KCNH7: variants seen among roughly 807,000 people sequenced by gnomAD.
KCNH7 encodes potassium voltage-gated channel subfamily H member 7, also known as voltage-gated inwardly rectifying potassium channel KCNH7.
Under a neutral mutation model 120.8 loss-of-function variants are expected in KCNH7, and 49 were observed. That is an observed-to-expected ratio of 0.41 (90% CI 0.32 to 0.51). The LOEUF is 0.51. Ranked by LOEUF, KCNH7 falls within the 20% of genes least tolerant of loss-of-function variation. The pLI, the probability that KCNH7 is intolerant of heterozygous loss-of-function variation, is 0.38. For missense variants in KCNH7, 1,097 were observed against 1,446.6 expected (o/e 0.76, Z 3.92); for synonymous variants, 547 against 516.1 (o/e 1.06, Z -0.81).
chr2:162,434,754 G>T (rs1688183024), intron 8 of KCNH7, among the ~76,000 whole-genome samples: 1 of 151,712 alleles, frequency 6.6e-6, no homozygotes, highest in African/African-American at 2.4e-5. Context: ...TGAAAGATCA[G>T]TTTACAGAAT....
At chr2:162,426,700 T>G (rs1687875911) in intron 8 of KCNH7, among the ~76,000 whole-genome samples, 1 of 152,216 alleles carries the variant, frequency 6.6e-6, no homozygotes, top group South Asian at 2.1e-4. Context: ...AACAACTCTG[T>G]AACTTAATAA....
chr2:162,763,053 T>A (rs950204289), intron 2 of KCNH7, among the ~76,000 whole-genome samples: 11 of 152,132 alleles, frequency 7.2e-5, no homozygotes, highest in African/African-American at 2.7e-4. Flanking sequence ...ACTGCTACTA[T>A]GATTCTCTCT....
chr2:162,466,728 A>G (rs957668941), intron 6 of KCNH7, among the ~76,000 whole-genome samples: 1 of 152,160 alleles, frequency 6.6e-6, no homozygotes, highest in Admixed American at 6.5e-5. Context: ...TCATTTGAGG[A>G]CAGGTAATGG....
chr2:162,631,047 C>A (rs1366560998), intron 2 of KCNH7, among the ~76,000 whole-genome samples: 2 of 152,140 alleles, frequency 1.3e-5, no homozygotes. Flanking sequence ...TTAGTGTCAA[C>A]TGCAGCTGGA....
chr2:162,719,956 T>A (rs1279191057), intron 2 of KCNH7, among the ~76,000 whole-genome samples: 1 of 152,084 alleles, frequency 6.6e-6, no homozygotes, highest in Non-Finnish European at 1.5e-5. Flanking sequence ...CTGTTAGCTA[T>A]GGCCAAGAAA....
intron 2 of KCNH7, among the ~76,000 whole-genome samples, chr2:162,824,052 C>T (rs1685205275): frequency 6.6e-6 from 1 of 152,042 alleles, no homozygotes; most frequent in African/African-American, 2.4e-5. Context: ...ATTATAAAAT[C>T]TTACTTGGTA....
At chr2:162,570,889 C>G (rs138673848) in intron 2 of KCNH7, among the ~76,000 whole-genome samples, 3,479 of 152,044 alleles carry the variant, frequency 0.023, 128 homozygotes, top group East Asian at 0.18. Context: ...ATTGATGGGC[C>G]GTATTTCAAA....
At chr2:162,379,751 T>G (rs549261256) in intron 14 of KCNH7, 102 bp downstream of exon 14, 1 of 1,116,988 alleles carries the variant, frequency 9.0e-7, no homozygotes, top group Non-Finnish European at 1.3e-6. Flanking sequence ...TATAAGGAAA[T>G]TATGAGATCA....
At chr2:162,801,432 A>G (rs1684345491) in intron 2 of KCNH7, among the ~76,000 whole-genome samples, 1 of 151,814 alleles carries the variant, frequency 6.6e-6, no homozygotes, top group Non-Finnish European at 1.5e-5. Flanking sequence ...CTTTTTTCTC[A>G]AATTCCTTTT....
At chr2:162,510,740 T>C (rs1691043539) in intron 5 of KCNH7, among the ~76,000 whole-genome samples, 1 of 151,726 alleles carries the variant, frequency 6.6e-6, no homozygotes. Context: ...AGATCTGGTA[T>C]AGAAGCAAAG....
chr2:162,425,450 G>A (rs1452622473), intron 8 of KCNH7, among the ~76,000 whole-genome samples: 1 of 152,050 alleles, frequency 6.6e-6, no homozygotes, highest in Non-Finnish European at 1.5e-5. Context: ...GAAAAGGTGA[G>A]CCTAAATTGT....
chr2:162,519,746 A>G (rs1424979555), intron 3 of KCNH7, among the ~76,000 whole-genome samples: 2 of 151,826 alleles, frequency 1.3e-5, no homozygotes, highest in African/African-American at 4.8e-5. Flanking sequence ...ATGGCTTTAC[A>G]ATTACACACT....
rs371586865 is a variant in KCNH7 at position 162,656,359 on chromosome 2, G to A, written c.308-119279C>T. On this transcript the variant is annotated intron_variant, in intron 2 of 15. Transcript: ENST00000332142. ...TAGTGGTATGTATATATACACACATGCACAACATAATACATGAGGAGTAAG... is the reference window on the plus strand; with the variant it reads ...TAGTGGTATGTATATATACACACATACACAACATAATACATGAGGAGTAAG... Among the ~76,000 whole-genome samples the A allele has an allele frequency of 6.6e-5, 10 of 152,274 alleles. 1 individual carries two copies. The highest frequency in any genetic ancestry group is 2.2e-4 in the African/African-American group (9 of 41,562).
intron 2 of KCNH7, among the ~76,000 whole-genome samples, chr2:162,690,160 A>C (rs1382473903): frequency 2.6e-5 from 4 of 152,178 alleles, no homozygotes; most frequent in Non-Finnish European, 1.5e-5. Flanking sequence ...ATTCTCACTT[A>C]TAAGTGGGAG....
chr2:162,564,249 G>T, intron 2 of KCNH7, among the ~76,000 whole-genome samples: 1 of 151,074 alleles, frequency 6.6e-6, no homozygotes, highest in South Asian at 2.1e-4. Context: ...TGGATAGCAC[G>T]GTTAGGACCT....
chr2:162,389,484 G>T (rs180916117), intron 12 of KCNH7, among the ~76,000 whole-genome samples: 19 of 152,104 alleles, frequency 1.2e-4, no homozygotes, highest in African/African-American at 4.3e-4. Context: ...GCAGGAAAAG[G>T]TATAGAGAAG....
chr2:162,513,462 C>A (rs1385197680), intron 4 of KCNH7, among the ~76,000 whole-genome samples: 1 of 63,582 alleles, frequency 1.6e-5, no homozygotes, highest in Non-Finnish European at 4.1e-5. Flanking sequence ...TCTCTCCTTC[C>A]CTCCCTCCTT....
intron 2 of KCNH7, among the ~76,000 whole-genome samples, chr2:162,755,526 ATG>A (rs1688760063): frequency 6.6e-6 from 1 of 152,100 alleles, no homozygotes; most frequent in Non-Finnish European, 1.5e-5. Flanking sequence ...TCTTTATTTA[ATG>A]TAGTTTGTTT....
At position 162,593,018 on chromosome 2, in the gene KCNH7, T is replaced by A. The variant is rs1574144517; in HGVS notation, c.308-55938A>T. 2.0e-5 allele frequency among the ~76,000 whole-genome samples: 3 copies of A among 152,226 alleles called. No homozygotes were observed. The South Asian group carries it at 6.2e-4, about 32-fold the overall frequency. ...TCATAATCAATCATCTAAGTTATAT[T>A]TTAAAGGAACTATATCATTTATATC... On this transcript the variant is annotated intron_variant, in intron 2 of 15. Transcript: ENST00000332142.
Sources: gnomAD v4.1 joint callset for allele counts (sites outside exome capture counted in the v4.1 genomes callset) on GRCh38, gnomAD v4.1.1 for gene constraint, MANE v1.5 for transcripts, NCBI Gene and HGNC (gene_info 2026-07-23, HGNC 2026-07-21) for gene names.